GLI3: variants seen among roughly 807,000 people sequenced by gnomAD.
GLI3 encodes the protein transcription activator GLI3.
A neutral mutation model predicts 100.8 loss-of-function variants in GLI3; 20 were observed. That is an observed-to-expected ratio of 0.20 (90% confidence interval 0.14 to 0.29). The LOEUF is 0.29. Ranked by LOEUF, GLI3 falls within the 10% of genes least tolerant of loss-of-function variation. GLI3 has a pLI of 1.00. For missense variants in GLI3, 2,040 were observed against 2,128.5 expected (o/e 0.96, Z 0.82); for synonymous variants, 938 against 860.5 (o/e 1.09, Z -1.58).
At chr7:41,981,184 C>T (rs576871286) in intron 10 of GLI3, among the ~76,000 whole-genome samples, 4 of 152,314 alleles carry the variant, frequency 2.6e-5, no homozygotes, top group South Asian at 4.1e-4. Context: ...GTGAGGGCCA[C>T]GCATGGCAGG....
chr7:42,140,165 T>G (rs772215654), intron 3 of GLI3, among the ~76,000 whole-genome samples: 1 of 152,242 alleles, frequency 6.6e-6, no homozygotes, highest in Non-Finnish European at 1.5e-5. Context: ...GGAGGCCTTC[T>G]GGACTGCCAA....
At chr7:42,042,513 C>G (rs1784166928) in intron 6 of GLI3, among the ~76,000 whole-genome samples, 1 of 152,146 alleles carries the variant, frequency 6.6e-6, no homozygotes, top group African/African-American at 2.4e-5. Context: ...AATAATTGCC[C>G]TTCTCAATGG....
At chr7:42,247,891 A>C (rs985837774) in intron 1 of GLI3, among the ~76,000 whole-genome samples, 1 of 152,236 alleles carries the variant, frequency 6.6e-6, no homozygotes, top group Non-Finnish European at 1.5e-5. Context: ...GCAATGCAGA[A>C]TAAAATGAGC....
chr7:42,045,293 C>T, intron 6 of GLI3, 91 bp downstream of exon 6: 1 of 1,250,418 alleles, frequency 8.0e-7, no homozygotes. Flanking sequence ...CAAAAAGTTA[C>T]ACAATCACCT....
chr7:42,008,595 C>T (rs780553248), intron 10 of GLI3, among the ~76,000 whole-genome samples: 3 of 152,148 alleles, frequency 2.0e-5, no homozygotes, highest in Non-Finnish European at 4.4e-5. Flanking sequence ...AGGCGCAAAC[C>T]ACACCTTCTT....
chr7:42,016,080 C>T (rs1788752193), intron 10 of GLI3, among the ~76,000 whole-genome samples: 2 of 152,158 alleles, frequency 1.3e-5, no homozygotes, highest in East Asian at 3.9e-4. Context: ...GGGGAGAGGC[C>T]TGGGATGCTG....
intron 2 of GLI3, among the ~76,000 whole-genome samples, chr7:42,176,291 GC>G (rs943134260): frequency 2.0e-5 from 3 of 151,816 alleles, no homozygotes; most frequent in Non-Finnish European, 2.9e-5. Flanking sequence ...TACAGAGAAT[GC>G]CCCCTCCACA....
At chr7:42,112,998 C>T (rs570938331) in intron 3 of GLI3, among the ~76,000 whole-genome samples, 1 of 152,246 alleles carries the variant, frequency 6.6e-6, no homozygotes, top group South Asian at 2.1e-4. Flanking sequence ...CATGGTGAAA[C>T]CCTGTCTCTA....
intron 3 of GLI3, among the ~76,000 whole-genome samples, chr7:42,124,663 T>C (rs754954147): frequency 1.3e-5 from 2 of 152,340 alleles, no homozygotes; most frequent in Middle Eastern, 3.4e-3. Context: ...CCCGACTTGC[T>C]TGCCTTCAAG....
At position 41,964,863 on chromosome 7, in the gene GLI3, G is replaced by C; in HGVS notation, c.4210C>G (p.Leu1404Val). Residue 1404 changes from leucine to valine, a missense_variant, in exon 15 of 15, where the codon CTG becomes GTG. Leu to Val is a conservative substitution (Grantham distance 32). Around this residue, in one of 5 missense-constraint regions of GLI3, gnomAD observed 1,041 missense variants for 924.0 expected, o/e 1.13. Transcript: ENST00000395925. ...GTGTCACTGAGCTGTCCTGACTGCA[G>C]AGCAAGGCTGTCCCTCGGCATAGCC... ...RQAMPRDSLA[L>V]QSGQLSDTSQ... 6.2e-7 allele frequency: 1 copy of C among 1,613,902 alleles called. No homozygotes were observed. Among genetic ancestry groups the C allele is most frequent in the Non-Finnish European group, 8.5e-7 (1 of 1,180,034 alleles).
upstream of GLI3, among the ~76,000 whole-genome samples, chr7:42,241,629 C>T (rs1053797795): frequency 7.2e-5 from 11 of 152,198 alleles, no homozygotes; most frequent in African/African-American, 2.4e-4. Flanking sequence ...TCACTCAGCA[C>T]CCGCGTAACT....
rs375291254 is a variant in GLI3 at position 41,965,981 on chromosome 7, T to C, written c.3092A>G (p.Asn1031Ser). The part of the protein sequence containing the change: ...VPRFSSLSSC[N>S]PPAMATSAEK... The stretch of plus-strand genomic sequence containing the variant: ...CGCGGACGTGGCCATCGCCGGGGGG[T>C]TGCAGCTGCTGAGGCTGCTGAAGCG... The change falls in exon 15 of 15, where the codon AAC becomes AGC. Residue 1031 changes from asparagine to serine, a missense_variant. Coordinates refer to ENST00000395925, the MANE Select transcript of GLI3 (RefSeq NM_000168.6). 7.5e-6 allele frequency: 12 copies of C among 1,606,052 alleles called. No homozygotes were observed. The highest frequency in any genetic ancestry group is 4.5e-5 in the East Asian group (2 of 44,836).
intron 7 of GLI3, among the ~76,000 whole-genome samples, chr7:42,036,370 A>G (rs1789438159): frequency 6.6e-6 from 1 of 152,192 alleles, no homozygotes; most frequent in Non-Finnish European, 1.5e-5. Flanking sequence ...TAATTTATTT[A>G]CTCAAGAAAT....
intron 2 of GLI3, among the ~76,000 whole-genome samples, chr7:42,213,214 A>G (rs184557824): frequency 2.6e-5 from 4 of 152,338 alleles, no homozygotes; most frequent in Admixed American, 6.5e-5. Context: ...TATTTGAGAA[A>G]TAAAATTTTA....
intron 1 of GLI3, among the ~76,000 whole-genome samples, chr7:42,246,426 T>TG (rs1217413073): frequency 2.0e-5 from 3 of 152,132 alleles, no homozygotes; most frequent in African/African-American, 7.2e-5. Flanking sequence ...AGGAATGATG[T>TG]GGGGGAATAA....
chr7:42,110,535 G>A (rs1785681903), intron 3 of GLI3, among the ~76,000 whole-genome samples: 2 of 152,158 alleles, frequency 1.3e-5, no homozygotes, highest in Admixed American at 1.3e-4. Flanking sequence ...CAAGCCCACG[G>A]TGTGAAGAGA....
chr7:41,971,342 G>A (rs1027080942), intron 13 of GLI3, among the ~76,000 whole-genome samples: 9 of 152,196 alleles, frequency 5.9e-5, no homozygotes, highest in African/African-American at 2.2e-4. Context: ...TCCTTCACAG[G>A]TTAGAGAGTG....
At chr7:41,971,350 G>A (rs888108092) in intron 13 of GLI3, among the ~76,000 whole-genome samples, 1 of 152,258 alleles carries the variant, frequency 6.6e-6, no homozygotes, top group Non-Finnish European at 1.5e-5. Context: ...AGGTTAGAGA[G>A]TGACAGCCCA....
chr7:41,970,208 G>A (rs73318087), intron 13 of GLI3, among the ~76,000 whole-genome samples: 7,471 of 152,182 alleles, frequency 0.049, 275 homozygotes, highest in African/African-American at 0.095. Flanking sequence ...AGGAGCATTA[G>A]ACAGAAGAGA....
Sources: allele counts gnomAD v4.1 joint callset (sites outside exome capture counted in the v4.1 genomes callset), GRCh38; gene constraint gnomAD v4.1.1; regional missense constraint gnomAD v4.1.1; transcripts MANE v1.5; gene names NCBI Gene and HGNC (gene_info 2026-07-23, HGNC 2026-07-21).